The following MDGA2 variants were observed in gnomAD, a reference collection of about 807,000 sequenced individuals.
The protein encoded by MDGA2 is MAM domain-containing glycosylphosphatidylinositol anchor protein 2.
MDGA2 carries 40 observed loss-of-function variants against 117.8 expected under a neutral mutation model. The ratio of observed to expected loss-of-function variants is 0.34; its 90% confidence interval spans 0.26 to 0.44. MDGA2 has a LOEUF of 0.44. Ranked by LOEUF, MDGA2 falls within the 20% of genes least tolerant of loss-of-function variation. The pLI is 1.00. For missense variants in MDGA2, 1,123 were observed against 1,250.6 expected (o/e 0.90, Z 1.54); for synonymous variants, 452 against 439.0 (o/e 1.03, Z -0.37).
intron 5 of MDGA2, among the ~76,000 whole-genome samples, chr14:47,105,321 C>A (rs1380033776): frequency 1.3e-5 from 2 of 151,984 alleles, no homozygotes; most frequent in African/African-American, 4.8e-5. Context: ...GTGCCCCAAT[C>A]CCTTATTTCT....
At chr14:47,260,604 C>G (rs1887764193) in intron 2 of MDGA2, among the ~76,000 whole-genome samples, 1 of 152,044 alleles carries the variant, frequency 6.6e-6, no homozygotes, top group Admixed American at 6.6e-5. Context: ...AGGAGAAAAA[C>G]TGAACAGCAT....
At chr14:47,479,464 T>C (rs765755444) in intron 1 of MDGA2, among the ~76,000 whole-genome samples, 18 of 151,928 alleles carry the variant, frequency 1.2e-4, no homozygotes, top group Non-Finnish European at 2.4e-4. Flanking sequence ...AATAATAATA[T>C]TCAGTCTGAA....
intron 5 of MDGA2, among the ~76,000 whole-genome samples, chr14:47,130,016 C>T (rs571347961): frequency 0.019 from 2,787 of 150,464 alleles, 32 homozygotes; most frequent in Middle Eastern, 0.049. Flanking sequence ...AAGTAGGTTG[C>T]GAAAATTTTC....
At chr14:46,939,710 C>T (rs928375934) in intron 9 of MDGA2, among the ~76,000 whole-genome samples, 1 of 152,180 alleles carries the variant, frequency 6.6e-6, no homozygotes, top group African/African-American at 2.4e-5. Context: ...TTAATATTCA[C>T]AGTCTCATGC....
intron 6 of MDGA2, among the ~76,000 whole-genome samples, chr14:47,095,480 C>A (rs1879908152): frequency 1.3e-5 from 2 of 151,414 alleles, no homozygotes; most frequent in Admixed American, 6.6e-5. Context: ...TTTATGCAGG[C>A]CAATAAATGA....
At chr14:47,009,047 G>C (rs1887807452) in intron 8 of MDGA2, among the ~76,000 whole-genome samples, 1 of 151,888 alleles carries the variant, frequency 6.6e-6, no homozygotes, top group Non-Finnish European at 1.5e-5. Context: ...TTTGTTCCTA[G>C]TGAGTATCAC....
At position 47,054,762 on chromosome 14, in the gene MDGA2, C is replaced by T. The variant is rs10141514; in HGVS notation, c.1525+6487G>A. ...AAACAAGCAATGGGGAAAGGATTCC[C>T]TATTTAATAAATGGTGCTGGGAAAA... On this transcript the variant is annotated intron_variant, in intron 7 of 16. Transcript: ENST00000399232. 9.7e-3 allele frequency among the ~76,000 whole-genome samples: 1,453 copies of T among 150,372 alleles called. 21 individuals carry two copies. Among genetic ancestry groups the T allele is most frequent in the African/African-American group, 0.033 (1,348 of 41,034 alleles).
intron 3 of MDGA2, among the ~76,000 whole-genome samples, chr14:47,151,986 ATG>A (rs1293679912): frequency 1.3e-5 from 2 of 152,112 alleles, no homozygotes; most frequent in African/African-American, 4.8e-5. Context: ...ATTAAGAAAA[ATG>A]TGTTTTTTCA....
intron 8 of MDGA2, among the ~76,000 whole-genome samples, chr14:46,961,295 A>C (rs1885798169): frequency 6.6e-6 from 1 of 152,246 alleles, no homozygotes; most frequent in South Asian, 2.1e-4. Flanking sequence ...TTAGCTGTTT[A>C]AATAACACCT....
chr14:47,485,605 C>A (rs1216607125), intron 1 of MDGA2, among the ~76,000 whole-genome samples: 1 of 152,144 alleles, frequency 6.6e-6, no homozygotes, highest in Non-Finnish European at 1.5e-5. Flanking sequence ...CAGGTCTTCA[C>A]AGCAGCCCCT....
At chr14:47,162,680 G>A (rs1036632438) in intron 3 of MDGA2, among the ~76,000 whole-genome samples, 2 of 151,886 alleles carry the variant, frequency 1.3e-5, no homozygotes, top group Non-Finnish European at 2.9e-5. Context: ...TAAAATTTCC[G>A]GTATTTGTAT....
At chr14:47,118,337 G>A (rs1451435198) in intron 5 of MDGA2, among the ~76,000 whole-genome samples, 1 of 151,974 alleles carries the variant, frequency 6.6e-6, no homozygotes, top group Non-Finnish European at 1.5e-5. Flanking sequence ...GAACTAAATA[G>A]GTTACTACAC....
At chr14:47,615,739 G>A (rs1274388119) in intron 1 of MDGA2, among the ~76,000 whole-genome samples, 1 of 152,156 alleles carries the variant, frequency 6.6e-6, no homozygotes, top group African/African-American at 2.4e-5. Flanking sequence ...AGGTTTCAAA[G>A]GGGTCTAATA....
chr14:47,426,069 G>C (rs1197457520), intron 1 of MDGA2, among the ~76,000 whole-genome samples: 1 of 152,010 alleles, frequency 6.6e-6, no homozygotes, highest in African/African-American at 2.4e-5. Flanking sequence ...TTTTCAAAGA[G>C]TACTGATTGT....
intron 6 of MDGA2, among the ~76,000 whole-genome samples, chr14:47,080,314 T>G (rs1890661618): frequency 6.6e-6 from 1 of 152,220 alleles, no homozygotes; most frequent in Non-Finnish European, 1.5e-5. Context: ...TATAACAATT[T>G]ATAACGCAAG....
chr14:47,516,153 T>G (rs1200137765), intron 1 of MDGA2, among the ~76,000 whole-genome samples: 2 of 152,192 alleles, frequency 1.3e-5, no homozygotes, highest in Non-Finnish European at 2.9e-5. Flanking sequence ...TTATGTCCCC[T>G]GTTTGCATAT....
intron 3 of MDGA2, among the ~76,000 whole-genome samples, chr14:47,186,644 T>G (rs1884922403): frequency 6.6e-6 from 1 of 151,916 alleles, no homozygotes; most frequent in South Asian, 2.1e-4. Flanking sequence ...CCATAGCTAT[T>G]AAGTAATTGA....
intron 2 of MDGA2, among the ~76,000 whole-genome samples, chr14:47,288,990 A>G (rs1237640416): frequency 6.6e-6 from 1 of 152,144 alleles, no homozygotes; most frequent in African/African-American, 2.4e-5. Flanking sequence ...GCAGTTGTAT[A>G]GATTATTAAT....
At chr14:47,146,697 T>C (rs773825627) in intron 3 of MDGA2, among the ~76,000 whole-genome samples, 3 of 152,196 alleles carry the variant, frequency 2.0e-5, no homozygotes, top group Non-Finnish European at 2.9e-5. Flanking sequence ...ATGAGCTGTA[T>C]GTGTTGTAAA....
Sources: allele counts gnomAD v4.1 joint callset (sites outside exome capture counted in the v4.1 genomes callset), GRCh38; gene constraint gnomAD v4.1.1; transcripts MANE v1.5; gene names NCBI Gene and HGNC (gene_info 2026-07-23, HGNC 2026-07-21).